The following CELF2 variants were observed in gnomAD, a reference collection of about 807,000 sequenced individuals.
CELF2 encodes the protein CUGBP Elav-like family member 2.
Under a neutral mutation model 62.6 loss-of-function variants are expected in CELF2, and 8 were observed. That is an observed-to-expected ratio of 0.13 (90% CI 0.07 to 0.23). The LOEUF (loss-of-function observed/expected upper bound fraction) is 0.23, where lower values mean the gene tolerates loss of function less well. CELF2 is among the 10% of genes least tolerant of loss of function. CELF2 has a pLI of 1.00. For synonymous variants in CELF2, 258 were observed against 250.0 expected, an observed-to-expected ratio of 1.03 and a Z score of -0.30; for missense variants, 333 against 671.0, an observed-to-expected ratio of 0.50 and a Z score of 5.56.
chr10:11,140,274 A>G (rs1045086657), intron 1 of CELF2, among the ~76,000 whole-genome samples: 1 of 152,148 alleles, frequency 6.6e-6, no homozygotes, highest in South Asian at 2.1e-4. Flanking sequence ...CGGGTTCTCA[A>G]TCTGTCGCCC....
At position 11,324,783 on chromosome 10, in the gene CELF2, G is replaced by A. The variant is rs1397317573; in HGVS notation, c.1295-1053G>A. ...ACACAGACACCCTTCCCACATCTAG[G>A]GACCCCAGTGCAGCTATCCCCTGGG... is the stretch of plus-strand genomic sequence containing the variant. On this transcript the variant is annotated intron_variant, in intron 11 of 12. Transcript: ENST00000633077. The surrounding 1 kb of genome is among the most constrained non-coding windows in gnomAD (Gnocchi z 4.7). 6.6e-6 allele frequency among the ~76,000 whole-genome samples: 1 copy of A among 152,014 alleles called. No homozygotes were observed. The highest frequency in any genetic ancestry group is 6.6e-5 in the Admixed American group (1 of 15,258).
intron 1 of CELF2, among the ~76,000 whole-genome samples, chr10:11,102,856 G>A (rs889499105): frequency 6.6e-6 from 1 of 151,898 alleles, no homozygotes; most frequent in Non-Finnish European, 1.5e-5. Flanking sequence ...GAAACCCTCA[G>A]CCCTGTCAGT....
intron 1 of CELF2, among the ~76,000 whole-genome samples, chr10:11,112,539 A>C (rs1385857663): frequency 6.6e-6 from 1 of 152,236 alleles, no homozygotes; most frequent in African/African-American, 2.4e-5. Flanking sequence ...GTGGTGCTTC[A>C]GCTTTCCAAC....
chr10:10,740,262 C>G, the CELF2 span, among the ~76,000 whole-genome samples: 4 of 145,914 alleles, frequency 2.7e-5, no homozygotes, highest in South Asian at 4.4e-4. Context: ...CAAGTCTCAT[C>G]TTTAGGTCTT....
At chr10:10,871,528 G>A (rs2060746820) in intron 1 of CELF2, among the ~76,000 whole-genome samples, 1 of 152,134 alleles carries the variant, frequency 6.6e-6, no homozygotes, top group Non-Finnish European at 1.5e-5. Context: ...GCTCAGGACT[G>A]CAATCCCAGC....
In CELF2 at chr10:10,995,078, T is replaced by C. The variant is rs1301745224; in HGVS notation, c.89+75079T>C. Among the ~76,000 whole-genome samples, 1 of 152,174 alleles carries C rather than the reference T, an allele frequency of 6.6e-6. No individual in the cohort carries two copies. Among genetic ancestry groups the C allele is most frequent in the East Asian group, 1.9e-4 (1 of 5,192 alleles). ...CATAAAATCCCACAGCATTAGACACTGCATTATTCTTTGTTTCCCAAATTA... is the reference window on the plus strand; with the variant it reads ...CATAAAATCCCACAGCATTAGACACCGCATTATTCTTTGTTTCCCAAATTA... On this transcript the variant is annotated intron_variant, in intron 2 of 13. Transcript: ENST00000636488. This position sits in a 1 kb window ranked among gnomAD's most constrained non-coding sequence, Gnocchi z 4.7.
At chr10:10,824,595 C>A (rs1381570782) in intron 1 of CELF2, among the ~76,000 whole-genome samples, 1 of 152,214 alleles carries the variant, frequency 6.6e-6, no homozygotes, top group East Asian at 1.9e-4. Context: ...CTAACTGGAG[C>A]TTTAACCCTA....
the CELF2 span, among the ~76,000 whole-genome samples, chr10:10,543,941 T>C: frequency 2.6e-5 from 4 of 152,182 alleles, no homozygotes; most frequent in Admixed American, 2.6e-4. Context: ...TAATGAGATA[T>C]GGCTGAAGCT....
chr10:10,692,591 A>G, the CELF2 span, among the ~76,000 whole-genome samples: 2 of 120,648 alleles, frequency 1.7e-5, no homozygotes, highest in African/African-American at 6.8e-5. Context: ...TCTGTAAATT[A>G]CCTTGGGCAG....
chr10:11,177,286 A>G lies in CELF2; in HGVS notation c.271+11604A>G, dbSNP rs2071550534. 1.3e-5 allele frequency among the ~76,000 whole-genome samples: 2 copies of G among 152,176 alleles called. No individual in the cohort carries two copies. The highest frequency in any genetic ancestry group is 4.8e-5 in the African/African-American group (2 of 41,438). ...GAGTAAGTTCCTTCTCATGTAGTTA[A>G]TGCAGCATGATGAAAGAAATAAAAG... is the stretch of plus-strand genomic sequence containing the variant. On this transcript the variant is annotated intron_variant, in intron 2 of 12. Coordinates refer to ENST00000633077, the MANE Select transcript of CELF2 (RefSeq NM_001326342.2). This position sits in a 1 kb window ranked among gnomAD's most constrained non-coding sequence, Gnocchi z 4.8.
chr10:10,752,820 A>AC, the CELF2 span, among the ~76,000 whole-genome samples: 1 of 150,958 alleles, frequency 6.6e-6, no homozygotes, highest in African/African-American at 2.4e-5. Context: ...AAAAAAAAAA[A>AC]AAAAATTCTA....
At chr10:10,977,165 C>A (rs2051447091) in intron 2 of CELF2, among the ~76,000 whole-genome samples, 1 of 152,116 alleles carries the variant, frequency 6.6e-6, no homozygotes. Flanking sequence ...TGAAGCTGAT[C>A]TGAGTTTGAG....
At chr10:11,303,199 C>T (rs1351266212) in intron 9 of CELF2, among the ~76,000 whole-genome samples, 4 of 152,188 alleles carry the variant, frequency 2.6e-5, no homozygotes, top group Admixed American at 6.5e-5. Flanking sequence ...ATCTTTCTCA[C>T]GTCAAGACCT....
chr10:11,014,446 G>A (rs575872078), upstream of CELF2, among the ~76,000 whole-genome samples: 1 of 152,318 alleles, frequency 6.6e-6, no homozygotes, highest in South Asian at 2.1e-4. Flanking sequence ...GATATATCAA[G>A]CACCAGTCCC....
the CELF2 span, among the ~76,000 whole-genome samples, chr10:10,650,735 G>A: frequency 1.8e-3 from 268 of 152,322 alleles, 1 homozygote; most frequent in African/African-American, 6.3e-3. Flanking sequence ...ACTAAAAATA[G>A]TAAAATGATG....
At chr10:10,610,256 A>G in the CELF2 span, among the ~76,000 whole-genome samples, 4 of 152,194 alleles carry the variant, frequency 2.6e-5, no homozygotes, top group Admixed American at 1.3e-4. Flanking sequence ...CAGCATTACT[A>G]ATTAGAGCTG....
At chr10:10,952,532 C>T (rs908021489) in intron 2 of CELF2, among the ~76,000 whole-genome samples, 8 of 152,150 alleles carry the variant, frequency 5.3e-5, no homozygotes, top group African/African-American at 1.4e-4. Flanking sequence ...AATAGATTCC[C>T]GGAGAGTAGC....
the CELF2 span, among the ~76,000 whole-genome samples, chr10:10,595,540 A>G: frequency 6.6e-6 from 1 of 152,216 alleles, no homozygotes; most frequent in Non-Finnish European, 1.5e-5. Flanking sequence ...GCAGCTTTCC[A>G]TAAGACAGGA....
At chr10:11,024,765 A>T (rs1325010197) in intron 1 of CELF2, among the ~76,000 whole-genome samples, 3 of 152,188 alleles carry the variant, frequency 2.0e-5, no homozygotes, top group Admixed American at 2.0e-4. Flanking sequence ...CTCCAATAGG[A>T]CTGAAGATTT....
Sources: gnomAD v4.1 joint callset for allele counts (sites outside exome capture counted in the v4.1 genomes callset) on GRCh38, gnomAD v4.1.1 for gene constraint, Gnocchi (gnomAD v3.1) non-coding constraint, MANE v1.5 for transcripts, NCBI Gene and HGNC (gene_info 2026-07-23, HGNC 2026-07-21) for gene names.